PRKAR1B: variants seen among roughly 807,000 people sequenced by gnomAD.
PRKAR1B encodes protein kinase cAMP-dependent type I regulatory subunit beta.
PRKAR1B carries 22 observed loss-of-function variants against 46.5 expected under a neutral mutation model. The ratio of observed to expected loss-of-function variants is 0.47; its 90% CI spans 0.34 to 0.68. PRKAR1B has a LOEUF of 0.68. Ranked by LOEUF, PRKAR1B falls within the 30% of genes least tolerant of loss-of-function variation. PRKAR1B has a pLI of 0.01. For synonymous variants in PRKAR1B, 259 were observed against 217.7 expected (o/e 1.19, Z -1.67); for missense variants, 445 against 535.6 (o/e 0.83, Z 1.67).
chr7:583,804 A>G (rs943661834), intron 8 of PRKAR1B, among the ~76,000 whole-genome samples: 1 of 119,280 alleles, frequency 8.4e-6, no homozygotes. Flanking sequence ...ACTCACATGC[A>G]CACTCATGCA....
intron 9 of PRKAR1B, among the ~76,000 whole-genome samples, chr7:563,276 C>G (rs112744544): frequency 0.016 from 2,407 of 152,350 alleles, 67 homozygotes; most frequent in African/African-American, 0.055. Flanking sequence ...CAAGTCCGCC[C>G]CAGGACCCCC....
chr7:572,998 A>G (rs9886025), intron 9 of PRKAR1B, among the ~76,000 whole-genome samples: 74,484 of 151,936 alleles, frequency 0.49, 18,546 homozygotes, highest in Admixed American at 0.62. Flanking sequence ...CTGAGCCTCC[A>G]GCGCCTGCCG....
At position 567,496 on chromosome 7, in the gene PRKAR1B, CCATCAT is replaced by C. The variant is rs1262719761; in HGVS notation, c.891+11754_891+11759del. On this transcript the variant is annotated intron_variant, in intron 9 of 10. Transcript: ENST00000537384. Reference sequence around the variant, plus strand: ...ATCACCATCACCTTCATCACCATCACCATCATCACCATCACCTTCATCACCATCACC... The same window carrying C: ...ATCACCATCACCTTCATCACCATCACCACCATCACCTTCATCACCATCACC... Among the ~76,000 whole-genome samples the C allele has an allele frequency of 2.1e-3, 298 of 143,526 alleles. 4 individuals carry two copies. Among genetic ancestry groups the C allele is most frequent in the East Asian group, 0.017 (75 of 4,396 alleles). The allele number at this position is 143,526 out of a possible 152,430, so 94.2% of individuals were successfully genotyped here.
chr7:671,159 C>T (rs893254311), intron 4 of PRKAR1B, among the ~76,000 whole-genome samples: 2 of 152,192 alleles, frequency 1.3e-5, no homozygotes, highest in Admixed American at 6.5e-5. Flanking sequence ...CCCACCCTCC[C>T]CAACCCACCG....
intron 2 of PRKAR1B, among the ~76,000 whole-genome samples, chr7:710,738 C>T (rs1780581622): frequency 6.7e-6 from 1 of 148,852 alleles, no homozygotes; most frequent in Non-Finnish European, 1.5e-5. Context: ...CTCCACCTCC[C>T]GGTTCAAGCA....
At chr7:637,113 C>T (rs1784153687) in intron 4 of PRKAR1B, among the ~76,000 whole-genome samples, 1 of 152,140 alleles carries the variant, frequency 6.6e-6, no homozygotes, top group African/African-American at 2.4e-5. Flanking sequence ...CCGCGAAACC[C>T]CATCTCTACA....
chr7:705,584 G>A (rs888953696), intron 2 of PRKAR1B, among the ~76,000 whole-genome samples: 5 of 152,138 alleles, frequency 3.3e-5, no homozygotes, highest in African/African-American at 1.2e-4. Flanking sequence ...AAACCTGTAA[G>A]ACGAATATTT....
At chr7:663,356 G>C (rs1785719763) in intron 4 of PRKAR1B, among the ~76,000 whole-genome samples, 2 of 152,100 alleles carry the variant, frequency 1.3e-5, no homozygotes, top group African/African-American at 4.8e-5. Context: ...AGCTTCCTGA[G>C]TAGCTGCAAC....
upstream of PRKAR1B, chr7:727,324 C>T: frequency 7.9e-7 from 1 of 1,258,864 alleles, no homozygotes; most frequent in Non-Finnish European, 1.0e-6. Flanking sequence ...CGGTGAGCAC[C>T]CCGGGCCCCG....
intron 8 of PRKAR1B, among the ~76,000 whole-genome samples, chr7:580,247 GAA>G (rs1273883970): frequency 1.2e-3 from 167 of 143,376 alleles, no homozygotes; most frequent in African/African-American, 3.8e-3. Context: ...AAAAAAAAAA[GAA>G]AAAAGAAAAA....
intron 1 of PRKAR1B, among the ~76,000 whole-genome samples, chr7:721,625 G>A (rs1449790192): frequency 1.3e-5 from 2 of 150,964 alleles, no homozygotes; most frequent in African/African-American, 4.9e-5. Context: ...TCCAGCCTGG[G>A]CAACAAGAGC....
intron 4 of PRKAR1B, among the ~76,000 whole-genome samples, chr7:623,304 C>T (rs1481807800): frequency 1.3e-5 from 2 of 152,264 alleles, no homozygotes; most frequent in Admixed American, 6.5e-5. Context: ...CGGCCACACT[C>T]TTGACTGTGG....
intron 7 of PRKAR1B, among the ~76,000 whole-genome samples, chr7:589,605 G>A (rs922070323): frequency 2.6e-5 from 4 of 152,272 alleles, no homozygotes; most frequent in Middle Eastern, 3.4e-3. Context: ...TATGCCCACC[G>A]AGCTGCTAAG....
intron 4 of PRKAR1B, among the ~76,000 whole-genome samples, chr7:636,447 C>CT (rs1784111546): frequency 6.7e-6 from 1 of 149,624 alleles, no homozygotes; most frequent in Admixed American, 6.7e-5. Flanking sequence ...CGCGCCCTCA[C>CT]GTCCTCCACC....
At chr7:601,589 G>T (rs1451414381) in intron 6 of PRKAR1B, among the ~76,000 whole-genome samples, 5 of 152,238 alleles carry the variant, frequency 3.3e-5, no homozygotes, top group African/African-American at 1.2e-4. Flanking sequence ...TCACAGGAGG[G>T]CCCCTGCAGG....
intron 2 of PRKAR1B, among the ~76,000 whole-genome samples, chr7:692,950 C>T (rs111609876): frequency 0.15 from 22,076 of 149,450 alleles, 1,736 homozygotes; most frequent in South Asian, 0.24. Flanking sequence ...TTTTTTTTTT[C>T]TTGAGATGGA....
intron 4 of PRKAR1B, among the ~76,000 whole-genome samples, chr7:632,934 A>G (rs899560130): frequency 6.6e-6 from 1 of 152,200 alleles, no homozygotes; most frequent in East Asian, 1.9e-4. Flanking sequence ...CGGGAAGCAG[A>G]CACCAGGTCC....
At chr7:713,788 C>T (rs1169455526) in intron 1 of PRKAR1B, among the ~76,000 whole-genome samples, 1 of 152,242 alleles carries the variant, frequency 6.6e-6, no homozygotes, top group Non-Finnish European at 1.5e-5. Context: ...CCCAGCAGGG[C>T]TGACATTGCC....
chr7:608,592 G>A (rs1456432871), intron 4 of PRKAR1B: 1 of 152,920 alleles, frequency 6.5e-6, no homozygotes, highest in Non-Finnish European at 1.5e-5. Context: ...CAGAACTGCA[G>A]GAGAGGTCAG....
Sources: allele counts gnomAD v4.1 joint callset (sites outside exome capture counted in the v4.1 genomes callset), GRCh38; gene constraint gnomAD v4.1.1; transcripts MANE v1.5; gene names NCBI Gene and HGNC (gene_info 2026-07-23, HGNC 2026-07-21).